TIAM1: variants seen among roughly 807,000 people sequenced by gnomAD.
TIAM1 encodes TIAM Rac1 associated GEF 1, also known as rho guanine nucleotide exchange factor TIAM1.
Under a neutral mutation model 163.5 loss-of-function variants are expected in TIAM1, and 65 were observed. That is an observed-to-expected ratio of 0.40 (90% CI 0.33 to 0.49). TIAM1 has a LOEUF of 0.49. Ranked by LOEUF, TIAM1 falls within the 20% of genes least tolerant of loss-of-function variation. TIAM1 has a pLI of 0.77. For missense variants in TIAM1, 1,789 were observed against 2,044.7 expected (o/e 0.87, Z 2.41); for synonymous variants, 833 against 810.1 (o/e 1.03, Z -0.48).
chr21:31,249,523 TGATCTTCG>T (rs2071681709), intron 5 of TIAM1, among the ~76,000 whole-genome samples: 1 of 152,186 alleles, frequency 6.6e-6, no homozygotes, highest in African/African-American at 2.4e-5. Flanking sequence ...GTGATGCAGG[TGATCTTCG>T]GATCAAGCTA....
chr21:31,337,428 G>A (rs1013312400), intron 2 of TIAM1, among the ~76,000 whole-genome samples: 2 of 152,044 alleles, frequency 1.3e-5, no homozygotes, highest in African/African-American at 2.4e-5. Context: ...TTACTAGACA[G>A]GTGAAGGGGA....
chr21:31,361,835 G>A (rs1026573553), intron 2 of TIAM1, among the ~76,000 whole-genome samples: 1 of 109,556 alleles, frequency 9.1e-6, no homozygotes, highest in Non-Finnish European at 1.9e-5. Context: ...GAGGAAGAAA[G>A]ATTAGATAGA....
intron 22 of TIAM1, among the ~76,000 whole-genome samples, chr21:31,140,011 T>C (rs2082774314): frequency 6.6e-6 from 1 of 152,252 alleles, no homozygotes; most frequent in Non-Finnish European, 1.5e-5. Flanking sequence ...TCTGTGATTG[T>C]GATTTTTCCA....
At chr21:31,411,230 T>C (rs1257154903) in intron 2 of TIAM1, among the ~76,000 whole-genome samples, 1 of 152,086 alleles carries the variant, frequency 6.6e-6, no homozygotes, top group Non-Finnish European at 1.5e-5. Context: ...GAACTTAAAA[T>C]AATAATAATA....
At chr21:31,429,405 C>T (rs903315529) in intron 2 of TIAM1, among the ~76,000 whole-genome samples, 4 of 152,136 alleles carry the variant, frequency 2.6e-5, no homozygotes, top group Middle Eastern at 3.4e-3. Flanking sequence ...GGATCTGTCC[C>T]AAGGAAATGA....
chr21:31,120,466 A>G lies in TIAM1; in HGVS notation c.4678T>C (p.Ser1560Pro), dbSNP rs2081956544. Residue 1560 changes from serine to proline, a missense_variant, in exon 28 of 28, where the codon TCG (serine) becomes CCG (proline). Ser to Pro is a moderately conservative substitution (Grantham distance 74). Transcript: ENST00000541036. The surrounding 1 kb of genome is among the most constrained non-coding windows in gnomAD (Gnocchi z 4.2). Reference sequence around the variant, plus strand: ...CTCTCCAGGCCTCCATTGATCCCCGACAGGGCAGCTTGCTTCTTGAGCTGT... The same window carrying G: ...CTCTCCAGGCCTCCATTGATCCCCGGCAGGGCAGCTTGCTTCTTGAGCTGT... Reference protein sequence around the residue: ...MAQLKKQAALSGINGGLESAS... With the variant: ...MAQLKKQAALPGINGGLESAS... 1.2e-6 allele frequency: 2 copies of G among 1,614,082 alleles called. No homozygotes were observed. Among genetic ancestry groups the G allele is most frequent in the Admixed American group, 1.7e-5 (1 of 59,998 alleles).
At chr21:31,459,300 G>C (rs1044599419) in intron 2 of TIAM1, among the ~76,000 whole-genome samples, 2 of 152,058 alleles carry the variant, frequency 1.3e-5, no homozygotes, top group Non-Finnish European at 2.9e-5. Context: ...TTTTCATAGA[G>C]ATTGTCTGGC....
At chr21:31,197,930 A>T (rs965948102) in intron 12 of TIAM1, among the ~76,000 whole-genome samples, 1 of 152,174 alleles carries the variant, frequency 6.6e-6, no homozygotes, top group African/African-American at 2.4e-5. Flanking sequence ...ATCAGCCTTC[A>T]CTGGAACACA....
In TIAM1 at chr21:31,130,875, CATAAG is replaced by C; in HGVS notation, c.3942+10_3942+14del. The C allele has an allele frequency of 6.2e-7, 1 of 1,612,378 alleles. No individual in the cohort carries two copies. Among genetic ancestry groups the C allele is most frequent in the South Asian group, 1.1e-5 (1 of 91,026 alleles). ...GAAATAGTTTCAAACCATGGGGTAACATAAGATGTCTTACAAGTTTCTTCTTCTGT... is the reference window on the plus strand; with the variant it reads ...GAAATAGTTTCAAACCATGGGGTAACATGTCTTACAAGTTTCTTCTTCTGT... On this transcript the variant is annotated intron_variant, in intron 24 of 27. Coordinates refer to ENST00000541036, the MANE Select transcript of TIAM1 (RefSeq NM_001353694.2).
chr21:31,526,974 T>C (rs990180449), intron 1 of TIAM1, among the ~76,000 whole-genome samples: 4 of 152,146 alleles, frequency 2.6e-5, no homozygotes, highest in Non-Finnish European at 4.4e-5. Flanking sequence ...AGTGCTGGGA[T>C]TACAGGCGTG....
intron 2 of TIAM1, among the ~76,000 whole-genome samples, chr21:31,333,921 T>G (rs1018341659): frequency 6.6e-6 from 1 of 152,168 alleles, no homozygotes; most frequent in African/African-American, 2.4e-5. Context: ...CCCAAAAAAT[T>G]AATATGAAGC....
At chr21:31,168,974 A>T (rs1243755366) in intron 15 of TIAM1, among the ~76,000 whole-genome samples, 1 of 152,158 alleles carries the variant, frequency 6.6e-6, no homozygotes, top group African/African-American at 2.4e-5. Context: ...AATGTCAAAT[A>T]AGTATGCTTA....
intron 25 of TIAM1, among the ~76,000 whole-genome samples, chr21:31,128,191 C>T (rs959015650): frequency 6.6e-6 from 1 of 152,146 alleles, no homozygotes; most frequent in Admixed American, 6.5e-5. Context: ...TAACCCTAAC[C>T]AGAATCTATC....
intron 1 of TIAM1, among the ~76,000 whole-genome samples, chr21:31,482,826 A>G (rs1319470473): frequency 1.3e-5 from 2 of 152,198 alleles, no homozygotes; most frequent in East Asian, 3.9e-4. Context: ...CTTGGCAGTG[A>G]CCCAGAGCAA....
At chr21:31,258,871 A>G (rs2072281151) in intron 4 of TIAM1, among the ~76,000 whole-genome samples, 1 of 151,674 alleles carries the variant, frequency 6.6e-6, no homozygotes, top group African/African-American at 2.4e-5. Flanking sequence ...CAAGCTAGAT[A>G]CTCGGTCAAC....
intron 13 of TIAM1, among the ~76,000 whole-genome samples, chr21:31,187,921 A>G (rs1384743983): frequency 1.3e-5 from 2 of 152,178 alleles, no homozygotes; most frequent in Non-Finnish European, 2.9e-5. Flanking sequence ...ACCTTTGCAG[A>G]TATTTCTAAA....
chr21:31,385,309 T>C (rs1364688027), intron 2 of TIAM1, among the ~76,000 whole-genome samples: 1 of 152,168 alleles, frequency 6.6e-6, no homozygotes, highest in Non-Finnish European at 1.5e-5. Flanking sequence ...TCTTTATAGA[T>C]AGATAGATAT....
At chr21:31,222,363 G>A (rs1601603879) in intron 8 of TIAM1, among the ~76,000 whole-genome samples, 1 of 152,100 alleles carries the variant, frequency 6.6e-6, no homozygotes, top group African/African-American at 2.4e-5. Flanking sequence ...AGCAATTTTT[G>A]AGAAGGAGCC....
intron 1 of TIAM1, among the ~76,000 whole-genome samples, chr21:31,490,290 G>T (rs1489799627): frequency 6.6e-6 from 1 of 152,046 alleles, no homozygotes; most frequent in African/African-American, 2.4e-5. Context: ...AATTCTTACA[G>T]ATATCCTCAA....
Sources: gnomAD v4.1 joint callset for allele counts (sites outside exome capture counted in the v4.1 genomes callset) on GRCh38, gnomAD v4.1.1 for gene constraint, Gnocchi (gnomAD v3.1) non-coding constraint, MANE v1.5 for transcripts, NCBI Gene and HGNC (gene_info 2026-07-23, HGNC 2026-07-21) for gene names.